ANXA1: variants seen among roughly 807,000 people sequenced by gnomAD.
ANXA1 encodes the protein annexin A1.
A neutral mutation model predicts 47.9 loss-of-function variants in ANXA1; 39 were observed. The ratio of observed to expected loss-of-function variants is 0.81; its 90% confidence interval spans 0.63 to 1.06. The LOEUF (loss-of-function observed/expected upper bound fraction) is 1.06, where lower values mean the gene tolerates loss of function less well. Among genes scored for constraint, ANXA1 ranks in the 50% least tolerant of loss-of-function variants. The pLI, the probability that ANXA1 is intolerant of heterozygous loss-of-function variation, is 0.00. For missense variants in ANXA1, 446 were observed against 422.7 expected, an observed-to-expected ratio of 1.06 and a Z score of -0.48; for synonymous variants, 146 against 142.5, an observed-to-expected ratio of 1.02 and a Z score of -0.17.
chr9:73,169,277 T>C (rs911399337), intron 12 of ANXA1, 123 bp downstream of exon 12: 1 of 1,044,164 alleles, frequency 9.6e-7, no homozygotes, highest in African/African-American at 1.7e-5. Context: ...TAATATATTA[T>C]GGTGTATACT....
Position 73,169,127 on chromosome 9 carries a change from T to A in ANXA1, c.957T>A (p.Tyr319Ter), listed in dbSNP as rs1824282507. The change falls in exon 12 of 13, where the codon TAT becomes TAA. Residue 319 changes from tyrosine (Y) to a stop codon, truncating the protein, a stop_gained. Transcript: ENST00000257497. LOFTEE classifies it high-confidence loss of function. ...TCAAAGCATTCTATCAGAAGATGTATGGTATCTCCCTTTGCCAAGCCATCC... is the reference window on the plus strand; with the variant it reads ...TCAAAGCATTCTATCAGAAGATGTAAGGTATCTCCCTTTGCCAAGCCATCC... ...NDIKAFYQKM[Y>*]GISLCQAILD... 6.2e-7 allele frequency: 1 copy of A among 1,612,832 alleles called. No homozygotes were observed. Among genetic ancestry groups the A allele is most frequent in the Non-Finnish European group, 8.5e-7 (1 of 1,179,298 alleles).
rs73491666 is a variant in ANXA1, at chr9:73,167,784, C to T, written c.861+229C>T. ...GTAAAGTGAGCCTGTAAGTGATTTA[C>T]GGCTCACTTGTGATTTGCTTAAAAC... On this transcript the variant is annotated intron_variant, in intron 11 of 12. Transcript: ENST00000257497. 1.1e-3 allele frequency: 487 copies of T among 456,402 alleles called. 2 individuals carry two copies. The highest frequency in any genetic ancestry group is 9.2e-3 in the African/African-American group (462 of 50,392). 28.3% of individuals were successfully genotyped at this position (456,402 alleles called of 1,614,324 possible).
At position 73,169,042 on chromosome 9, in the gene ANXA1, C is replaced by T. The variant is rs370997349; in HGVS notation, c.872C>T (p.Thr291Ile). The T allele has an allele frequency of 1.9e-5, 30 of 1,609,848 alleles. No homozygotes were observed. The highest frequency in any genetic ancestry group is 2.4e-5 in the Non-Finnish European group (28 of 1,178,496). ...ATTTATTTTGGCCAGGGTGTTGGAA[C>T]TCGCCATAAGGCATTGATCAGGATT... ...KLHQAMKGVG[T>I]RHKALIRIMV... The change falls in exon 12 of 13, where the codon ACT becomes ATT. Residue 291 changes from threonine (T) to isoleucine (I), a missense_variant. By Grantham distance (89) the Thr-to-Ile change is moderately conservative. Coordinates refer to ENST00000257497, the MANE Select transcript of ANXA1 (RefSeq NM_000700.3).
chr9:73,167,821 C>T (rs781568482), intron 11 of ANXA1: 13 of 367,662 alleles, frequency 3.5e-5, no homozygotes, highest in South Asian at 7.0e-5. Flanking sequence ...TGTGTCACCA[C>T]GGGAAGGGTG....
chr9:73,160,146 A>G, intron 4 of ANXA1, 117 bp from the exon 5 acceptor site: 1 of 590,578 alleles, frequency 1.7e-6, no homozygotes, highest in East Asian at 3.0e-5. Flanking sequence ...AAGAAGCTCT[A>G]AAAGATGGTT....
At chr9:73,163,970 A>G (rs1824186204) in intron 8 of ANXA1, among the ~76,000 whole-genome samples, 1 of 152,200 alleles carries the variant, frequency 6.6e-6, no homozygotes, top group South Asian at 2.1e-4. Flanking sequence ...CTGCAATGAT[A>G]TAACAAGAGT....
chr9:73,169,952 A>T, intron 12 of ANXA1, 99 bp from the exon 13 acceptor site: 1 of 772,722 alleles, frequency 1.3e-6, no homozygotes, highest in South Asian at 2.3e-5. Flanking sequence ...GTGTAATCTC[A>T]TCTACAGCTA....
At chr9:73,155,616 A>G (rs1377802681) in intron 1 of ANXA1, among the ~76,000 whole-genome samples, 3 of 152,186 alleles carry the variant, frequency 2.0e-5, no homozygotes, top group African/African-American at 7.2e-5. Context: ...GCAATTTCTT[A>G]TATCCTGCCT....
rs1234923474 is a variant in ANXA1 at position 73,159,424 on chromosome 9, G to A, written c.270+1G>A. Reference sequence around the variant, plus strand: ...AGCATATCTCCAGGAAACAGGAAAGGTAAGTTAGAGTGGTAAATTTAGATA... The same window carrying A: ...AGCATATCTCCAGGAAACAGGAAAGATAAGTTAGAGTGGTAAATTTAGATA... On this transcript the variant is annotated splice_donor_variant, in intron 4 of 12. Coordinates refer to ENST00000257497, the MANE Select transcript of ANXA1 (RefSeq NM_000700.3). LOFTEE classifies it high-confidence loss of function. The A allele has an allele frequency of 6.2e-6, 10 of 1,610,100 alleles. No homozygotes were observed. The highest frequency in any genetic ancestry group is 7.6e-6 in the Non-Finnish European group (9 of 1,176,830).
chr9:73,163,373 C>G (rs972858560), intron 7 of ANXA1, 103 bp from the exon 8 acceptor site: 2 of 1,171,788 alleles, frequency 1.7e-6, no homozygotes, highest in African/African-American at 3.1e-5. Context: ...TAATAGAATA[C>G]CTTTTTCTCA....
At position 73,163,483 on chromosome 9, in the gene ANXA1, G is replaced by T. The variant is rs1225300286; in HGVS notation, c.563G>T (p.Arg188Leu). ...NALLSLAKGDRSEDFGVNEDL... is the reference protein window; with the variant it reads ...NALLSLAKGDLSEDFGVNEDL... Reference sequence around the variant, plus strand: ...GAATGGGATTTCTTTCAGGGTGACCGATCTGAGGACTTTGGTGTGAATGAA... The same window carrying T: ...GAATGGGATTTCTTTCAGGGTGACCTATCTGAGGACTTTGGTGTGAATGAA... The change falls in exon 8 of 13, where the codon CGA becomes CTA. Residue 188 changes from arginine (R) to leucine (L), a missense_variant. Coordinates refer to ENST00000257497, the MANE Select transcript of ANXA1 (RefSeq NM_000700.3). 3 of 1,612,832 alleles carry T rather than the reference G, an allele frequency of 1.9e-6. No homozygotes were observed. Among genetic ancestry groups the T allele is most frequent in the Middle Eastern group, 1.7e-4 (1 of 6,050 alleles).
intron 6 of ANXA1, among the ~76,000 whole-genome samples, chr9:73,162,292 A>T (rs1824155740): frequency 6.6e-6 from 1 of 151,974 alleles, no homozygotes; most frequent in South Asian, 2.1e-4. Flanking sequence ...TTCCTATTAC[A>T]GTATTATTTT....
chr9:73,158,741 C>T lies in ANXA1; in HGVS notation c.113C>T (p.Pro38Leu), dbSNP rs763037344. ...SKGGPGSAVS[P>L]YPTFNPSSDV... ...GGTGGTCCCGGATCAGCGGTGAGCC[C>T]CTATCCTACCTTCAATCCATCCTCG... Residue 38 changes from proline to leucine, a missense_variant, in exon 3 of 13, where the codon CCC (proline) becomes CTC (leucine). Transcript: ENST00000257497. 2.5e-6 allele frequency: 4 copies of T among 1,613,716 alleles called. No homozygotes were observed. The highest frequency in any genetic ancestry group is 1.7e-5 in the Admixed American group (1 of 59,950).
rs748795233 is a variant in ANXA1 at position 73,162,865 on chromosome 9, C to A, written c.555+4C>A. Reference sequence around the variant, plus strand: ...CGCTTTGCTTTCTCTTGCTAAGGTACAACTCAGATACTTTAGGAAATGCCT... The same window carrying A: ...CGCTTTGCTTTCTCTTGCTAAGGTAAAACTCAGATACTTTAGGAAATGCCT... On this transcript the variant is annotated splice_donor_region_variant and intron_variant, in intron 7 of 12. Coordinates refer to ENST00000257497, the MANE Select transcript of ANXA1 (RefSeq NM_000700.3). 3 of 1,606,526 alleles carry A rather than the reference C, an allele frequency of 1.9e-6. No homozygotes were observed. Among genetic ancestry groups the A allele is most frequent in the Non-Finnish European group, 2.6e-6 (3 of 1,173,788 alleles).
rs769598511 is a variant in ANXA1 at position 73,158,608 on chromosome 9, A to G, written c.66+7A>G. ...TGAAGAGCAGGAATATGTTGTAAGTAGAGTGATAATAAAATTATGATTACA... is the reference window on the plus strand; with the variant it reads ...TGAAGAGCAGGAATATGTTGTAAGTGGAGTGATAATAAAATTATGATTACA... On this transcript the variant is annotated splice_region_variant and intron_variant, in intron 2 of 12. Coordinates refer to ENST00000257497, the MANE Select transcript of ANXA1 (RefSeq NM_000700.3). The G allele has an allele frequency of 6.2e-7, 1 of 1,612,320 alleles. No homozygotes were observed. Among genetic ancestry groups the G allele is most frequent in the Non-Finnish European group, 8.5e-7 (1 of 1,178,574 alleles).
Position 73,158,508 on chromosome 9 carries a change from T to C in ANXA1, c.-14-14T>C. On this transcript the variant is annotated splice_polypyrimidine_tract_variant and intron_variant, in intron 1 of 12. Coordinates refer to ENST00000257497, the MANE Select transcript of ANXA1 (RefSeq NM_000700.3). ...CATTTGTTTTGTAAAAGCATCTAAC[T>C]GTTTTCTTTCCAGACACTTTTTCAA... 4 of 1,608,404 alleles carry C rather than the reference T, an allele frequency of 2.5e-6. No homozygotes were observed. The highest frequency in any genetic ancestry group is 3.4e-6 in the Non-Finnish European group (4 of 1,175,590).
chr9:73,159,402 A>G lies in ANXA1; in HGVS notation c.249A>G (p.Ala83=), dbSNP rs771311606. The G allele has an allele frequency of 3.7e-6, 6 of 1,613,012 alleles. No individual in the cohort carries two copies. The African/African-American group carries it at 6.7e-5, about 18-fold the overall frequency. ...NNAQRQQIKA[A]YLQETGKPLD... ...CACAGCGTCAACAGATCAAAGCAGCATATCTCCAGGAAACAGGAAAGGTAA... is the reference window on the plus strand; with the variant it reads ...CACAGCGTCAACAGATCAAAGCAGCGTATCTCCAGGAAACAGGAAAGGTAA... Residue 83 remains alanine, a synonymous_variant, in exon 4 of 13, where the codon GCA becomes GCG. Transcript: ENST00000257497.
intron 9 of ANXA1, 130 bp from the exon 10 acceptor site, chr9:73,165,967 A>G: frequency 1.7e-6 from 1 of 603,032 alleles, no homozygotes. Flanking sequence ...TTAATTGGGT[A>G]TATTGCTTTA....
At chr9:73,163,611 G>A in intron 8 of ANXA1, 79 bp downstream of exon 8, 1 of 1,440,562 alleles carries the variant, frequency 6.9e-7, no homozygotes, top group Non-Finnish European at 9.7e-7. Context: ...CCCTGTGAAA[G>A]CAAATCTAAG....
Sources: allele counts gnomAD v4.1 joint callset (sites outside exome capture counted in the v4.1 genomes callset), GRCh38; gene constraint gnomAD v4.1.1; transcripts MANE v1.5; gene names NCBI Gene and HGNC (gene_info 2026-07-23, HGNC 2026-07-21).